AOPEP: variants seen among roughly 807,000 people sequenced by gnomAD.
AOPEP encodes the protein aminopeptidase O.
In AOPEP, 77 loss-of-function variants were observed where a neutral mutation model predicts 98.1. The ratio of observed to expected loss-of-function variants is 0.78; its 90% CI spans 0.65 to 0.95. AOPEP has a LOEUF of 0.95. Ranked by LOEUF, AOPEP falls within the 40% of genes least tolerant of loss-of-function variation. The pLI is 0.00. For missense variants in AOPEP, 1,024 were observed against 1,024.7 expected, an observed-to-expected ratio of 1.00 and a Z score of 0.01; for synonymous variants, 346 against 365.3, an observed-to-expected ratio of 0.95 and a Z score of 0.60.
intron 11 of AOPEP, 197 bp from the exon 12 acceptor site, chr9:95,004,942 GCCCGCGCCGCCGCCCAGGC>G (rs1445796720): frequency 6.9e-6 from 1 of 144,540 alleles, no homozygotes; most frequent in Non-Finnish European, 1.5e-5. Context: ...CCGCCCGCCC[GCCCGCGCCGCCGCCCAGGC>G]CCCGCGCCCG....
chr9:95,087,040 T>C lies in AOPEP; in HGVS notation c.*363T>C, dbSNP rs2070766300. On this transcript the variant is annotated 3_prime_UTR_variant, in exon 17 of 17. Transcript: ENST00000375315. The stretch of plus-strand genomic sequence containing the variant: ...CTCAGCACATGGCTGGATGCGGATA[T>C]TTCTATAATTCCAGAAAGTCACACA... 1.4e-6 allele frequency: 1 copy of C among 737,870 alleles called. No homozygotes were observed. The highest frequency in any genetic ancestry group is 1.9e-5 in the African/African-American group (1 of 52,372). The allele number at this position is 737,870 out of a possible 1,614,324, so 45.7% of individuals were successfully genotyped here. A position where few individuals can be genotyped will look rare whatever the true frequency, so the allele number is the denominator to read the frequency against.
chr9:94,834,808 G>GCATACATA (rs1491289049), intron 5 of AOPEP, among the ~76,000 whole-genome samples: 30 of 102,690 alleles, frequency 2.9e-4, no homozygotes, highest in African/African-American at 1.4e-3. Flanking sequence ...ATGCATGCAT[G>GCATACATA]CATGCATACA....
intron 13 of AOPEP, among the ~76,000 whole-genome samples, chr9:95,036,433 C>T (rs2064821926): frequency 6.6e-6 from 1 of 152,116 alleles, no homozygotes; most frequent in Non-Finnish European, 1.5e-5. Flanking sequence ...CTTTAAATGA[C>T]AAGAATCATA....
At chr9:94,955,309 G>GA (rs752184374) in intron 8 of AOPEP, 30 bp downstream of exon 8, 1 of 1,448,324 alleles carries the variant, frequency 6.9e-7, no homozygotes, top group Non-Finnish European at 9.6e-7. Context: ...AGAAGCCAGT[G>GA]ATTGTGGTGC....
chr9:94,922,105 G>A (rs1003067383), intron 5 of AOPEP, among the ~76,000 whole-genome samples: 5 of 152,168 alleles, frequency 3.3e-5, no homozygotes, highest in Admixed American at 3.3e-4. Flanking sequence ...AAGGGTGGGA[G>A]AAAGAAGTGC....
rs147555227 is a variant in AOPEP, at chr9:95,013,470, A to G, written c.2115+7854A>G. On this transcript the variant is annotated intron_variant, in intron 13 of 16. Coordinates refer to ENST00000375315, the MANE Select transcript of AOPEP (RefSeq NM_001193329.3). ...AGTCGGCCGGAGGATTGTATTTTCA[A>G]TATAATCTCCTCATTATTCCCTTCT... 2.0e-5 allele frequency among the ~76,000 whole-genome samples: 3 copies of G among 151,486 alleles called. No individual in the cohort carries two copies. The East Asian group carries it at 5.8e-4, about 29-fold the overall frequency.
At chr9:94,767,559 T>G in intron 2 of AOPEP, among the ~76,000 whole-genome samples, 1 of 152,260 alleles carries the variant, frequency 6.6e-6, no homozygotes, top group South Asian at 2.1e-4. Flanking sequence ...ATAGTCATCT[T>G]AGGTCTCTTC....
intron 13 of AOPEP, among the ~76,000 whole-genome samples, chr9:95,042,359 A>ATAAATAC (rs1564562957): frequency 2.7e-5 from 4 of 149,968 alleles, no homozygotes; most frequent in African/African-American, 1.0e-4. Context: ...TACATAAATA[A>ATAAATAC]ATAAATAAAA....
At chr9:94,924,257 C>A (rs2053999130) in intron 6 of AOPEP, 82 bp downstream of exon 6, 2 of 1,188,788 alleles carry the variant, frequency 1.7e-6, no homozygotes, top group Non-Finnish European at 2.2e-6. Flanking sequence ...CAGCTATGGA[C>A]TGAGGGCCTA....
intron 5 of AOPEP, among the ~76,000 whole-genome samples, chr9:94,908,554 T>TTG (rs1476205011): frequency 6.6e-6 from 1 of 152,198 alleles, no homozygotes; most frequent in Non-Finnish European, 1.5e-5. Flanking sequence ...GCTGCTTGAC[T>TTG]TTCATTCTTT....
At chr9:95,123,457 T>C in the AOPEP span, 1 of 460,996 alleles carries the variant, frequency 2.2e-6, no homozygotes, top group Non-Finnish European at 4.3e-6. Context: ...CCGGGCAACA[T>C]GGTGAAACCC....
At chr9:94,977,604 C>T (rs753022791) in intron 10 of AOPEP, among the ~76,000 whole-genome samples, 1 of 152,216 alleles carries the variant, frequency 6.6e-6, no homozygotes, top group African/African-American at 2.4e-5. Flanking sequence ...CCACCACACA[C>T]ACACGGATAC....
At chr9:95,111,156 C>G in the AOPEP span, 1 of 1,535,168 alleles carries the variant, frequency 6.5e-7, no homozygotes, top group Non-Finnish European at 8.7e-7. Flanking sequence ...CCTTGGAGGA[C>G]GCGACCCTGG....
Position 94,930,237 on chromosome 9 carries a change from G to C in AOPEP, c.1661+1706G>C, listed in dbSNP as rs891915667. 1.3e-5 allele frequency among the ~76,000 whole-genome samples: 2 copies of C among 152,200 alleles called. No individual in the cohort carries two copies. Among genetic ancestry groups the C allele is most frequent in the Admixed American group, 6.5e-5 (1 of 15,292 alleles). ...GAAATGTGTTTTGGCTGTGGAACGG[G>C]CAGGTCTTTGGTTGATTGAATGTGG... On this transcript the variant is annotated intron_variant, in intron 7 of 16. Coordinates refer to ENST00000375315, the MANE Select transcript of AOPEP (RefSeq NM_001193329.3). This position sits in a 1 kb window ranked among gnomAD's most constrained non-coding sequence, Gnocchi z 4.5.
At chr9:95,052,548 T>C (rs183777899) in intron 13 of AOPEP, among the ~76,000 whole-genome samples, 1 of 152,354 alleles carries the variant, frequency 6.6e-6, no homozygotes, top group Admixed American at 6.5e-5. Flanking sequence ...ACAGTAATTT[T>C]GTGCATAGTA....
chr9:94,752,753 C>T (rs1836122469), intron 1 of AOPEP, among the ~76,000 whole-genome samples: 1 of 152,194 alleles, frequency 6.6e-6, no homozygotes, highest in South Asian at 2.1e-4. Flanking sequence ...TACCTTGCTA[C>T]TCCCCCATCA....
At chr9:94,789,884 T>TG in intron 3 of AOPEP, among the ~76,000 whole-genome samples, 1 of 86,952 alleles carries the variant, frequency 1.2e-5, no homozygotes, top group Middle Eastern at 5.2e-3. Context: ...CTTGTTCTTT[T>TG]TTTTTTTTAG....
At chr9:94,752,541 C>T (rs532208852) in intron 1 of AOPEP, among the ~76,000 whole-genome samples, 1 of 152,184 alleles carries the variant, frequency 6.6e-6, no homozygotes, top group Non-Finnish European at 1.5e-5. Flanking sequence ...AAAAGTTCTA[C>T]ACTTAGTTAA....
chr9:94,849,949 C>T (rs1187072920), intron 5 of AOPEP, among the ~76,000 whole-genome samples: 2 of 151,340 alleles, frequency 1.3e-5, no homozygotes, highest in South Asian at 2.1e-4. Context: ...GCAGGAGAGT[C>T]GCTTGAACCC....
Sources: gnomAD v4.1 joint callset for allele counts (sites outside exome capture counted in the v4.1 genomes callset) on GRCh38, gnomAD v4.1.1 for gene constraint, Gnocchi (gnomAD v3.1) non-coding constraint, MANE v1.5 for transcripts, NCBI Gene and HGNC (gene_info 2026-07-23, HGNC 2026-07-21) for gene names.